Variants in MGST1 observed in about 807,000 individuals in gnomAD.
MGST1 encodes the protein glutathione S-transferase 12.
MGST1 carries 5 observed loss-of-function variants against 8.9 expected under a neutral mutation model. That is an observed-to-expected ratio of 0.56 (90% confidence interval 0.29 to 1.19). The LOEUF (loss-of-function observed/expected upper bound fraction) is 1.19, where lower values mean the gene tolerates loss of function less well. Ranked by LOEUF, MGST1 falls within the 50% of genes most tolerant of loss-of-function variation. MGST1 has a pLI of 0.08. For missense variants in MGST1, 182 were observed against 187.4 expected (o/e 0.97, Z 0.17); for synonymous variants, 54 against 67.8 (o/e 0.80, Z 1.00).
chr12:16,514,941 C>T (rs1353775670), intron 4 of MGST1, among the ~76,000 whole-genome samples: 1 of 152,158 alleles, frequency 6.6e-6, no homozygotes. Context: ...TTTACATGTG[C>T]AAGAAAGTCA....
chr12:16,503,317 C>T lies in MGST1; in HGVS notation n.483-86211C>T, dbSNP rs553514558. 3.9e-5 allele frequency among the ~76,000 whole-genome samples: 6 copies of T among 152,240 alleles called. No homozygotes were observed. The South Asian group carries it at 1.2e-3, about 32-fold the overall frequency. ...ATTTTTTTCTACTTTTTCCCTCATT[C>T]TTAGCTTGGCTTCACTCATAAATGT... On this transcript the variant is annotated intron_variant and non_coding_transcript_variant, in intron 4 of 4. Transcript: ENST00000538857. The surrounding 1 kb of genome is among the most constrained non-coding windows in gnomAD (Gnocchi z 4.8).
At chr12:16,453,794 C>T (rs1261361665) in intron 4 of MGST1, among the ~76,000 whole-genome samples, 1 of 151,400 alleles carries the variant, frequency 6.6e-6, no homozygotes. Flanking sequence ...GCATTTTCCC[C>T]ATGTGCGTGT....
intron 4 of MGST1, among the ~76,000 whole-genome samples, chr12:16,518,049 C>G (rs1174658028): frequency 6.6e-6 from 1 of 152,224 alleles, no homozygotes; most frequent in Non-Finnish European, 1.5e-5. Context: ...TACAGACAGT[C>G]TTCCCATGGT....
intron 3 of MGST1, among the ~76,000 whole-genome samples, chr12:16,359,110 G>C (rs1035490394): frequency 6.6e-6 from 1 of 152,152 alleles, no homozygotes; most frequent in Non-Finnish European, 1.5e-5. Context: ...ACTTGAGTAA[G>C]TGGAAGTGCA....
chr12:16,581,995 T>C (rs1943174395), intron 4 of MGST1, among the ~76,000 whole-genome samples: 1 of 152,094 alleles, frequency 6.6e-6, no homozygotes, highest in Non-Finnish European at 1.5e-5. Flanking sequence ...TTCGTTTTCT[T>C]ATCTTATTAC....
chr12:16,354,820 A>T (rs1939638126), intron 2 of MGST1: 1 of 152,498 alleles, frequency 6.6e-6, no homozygotes, highest in African/African-American at 2.4e-5. Context: ...AAAAAGGCTG[A>T]GAATTAAAGT....
chr12:16,487,454 T>C (rs1246418944), intron 4 of MGST1, among the ~76,000 whole-genome samples: 3 of 152,136 alleles, frequency 2.0e-5, no homozygotes, highest in Admixed American at 1.3e-4. Flanking sequence ...TATTTTGATA[T>C]CAAAACTGTA....
At chr12:16,570,216 G>A (rs961976956) in intron 4 of MGST1, among the ~76,000 whole-genome samples, 3 of 152,032 alleles carry the variant, frequency 2.0e-5, no homozygotes, top group African/African-American at 7.2e-5. Flanking sequence ...GGGTTTTCTA[G>A]GTGAAACTTT....
chr12:16,364,740 A>G (rs1940153467), downstream of MGST1, among the ~76,000 whole-genome samples: 1 of 152,010 alleles, frequency 6.6e-6, no homozygotes, highest in Non-Finnish European at 1.5e-5. This position sits in a 1 kb window ranked among gnomAD's most constrained non-coding sequence, Gnocchi z 5.7. Flanking sequence ...CCTTATTCCA[A>G]TTTTTTCATG....
At chr12:16,428,618 C>G (rs1336913607) in intron 1 of MGST1, among the ~76,000 whole-genome samples, 1 of 151,746 alleles carries the variant, frequency 6.6e-6, no homozygotes, top group African/African-American at 2.4e-5. Context: ...ATATATTTTA[C>G]TTTGCTAAAT....
intron 4 of MGST1, among the ~76,000 whole-genome samples, chr12:16,545,948 G>C (rs1181085569): frequency 1.3e-5 from 2 of 152,100 alleles, no homozygotes; most frequent in Admixed American, 1.3e-4. Flanking sequence ...ATATGGTAGA[G>C]TGAAAAGCAC....
chr12:16,376,700 A>T (rs945895258), exon 4 of MGST1: 1 of 152,188 alleles, frequency 6.6e-6, no homozygotes, highest in African/African-American at 2.4e-5. Context: ...AATGTGAACA[A>T]TGATAGAATA....
At chr12:16,525,092 A>G (rs1941674835) in intron 4 of MGST1, among the ~76,000 whole-genome samples, 1 of 151,956 alleles carries the variant, frequency 6.6e-6, no homozygotes. Context: ...GTGAAATAGA[A>G]TAAATTGGCC....
intron 2 of MGST1, among the ~76,000 whole-genome samples, chr12:16,355,095 T>C (rs541483716): frequency 5.3e-5 from 8 of 152,230 alleles, no homozygotes; most frequent in African/African-American, 1.7e-4. Flanking sequence ...TTCAGCAACT[T>C]CTTCCTGGAG....
chr12:16,560,777 G>A lies in MGST1; in HGVS notation n.483-28751G>A. On this transcript the variant is annotated intron_variant and non_coding_transcript_variant, in intron 4 of 4. Transcript: ENST00000538857. This position sits in a 1 kb window ranked among gnomAD's most constrained non-coding sequence, Gnocchi z 5.0. ...GAAAAGGAAAAGACAAATACATTAG[G>A]AAGCTTACGTAACTGCACATAAACA... 1 of 535,144 alleles carries A rather than the reference G, an allele frequency of 1.9e-6. No homozygotes were observed. Among genetic ancestry groups the A allele is most frequent in the Middle Eastern group, 3.1e-4 (1 of 3,276 alleles). 33.1% of individuals were successfully genotyped at this position (535,144 alleles called of 1,614,324 possible).
chr12:16,484,221 T>G (rs2137148448), intron 4 of MGST1, among the ~76,000 whole-genome samples: 1 of 152,322 alleles, frequency 6.6e-6, no homozygotes, highest in African/African-American at 2.4e-5. Flanking sequence ...AAGAGGCAGC[T>G]GTTTTGTTGG....
At chr12:16,469,178 C>CTTTTTTT (rs11292991) in intron 4 of MGST1, among the ~76,000 whole-genome samples, 5 of 77,516 alleles carry the variant, frequency 6.5e-5, no homozygotes, top group African/African-American at 5.2e-5. Flanking sequence ...TGCTCTATTC[C>CTTTTTTT]TTTTTTTTTT....
At chr12:16,551,206 G>A (rs1299816146) in intron 4 of MGST1, 3 of 1,441,820 alleles carry the variant, frequency 2.1e-6, no homozygotes, top group South Asian at 2.3e-5. Flanking sequence ...ATTCTTAATG[G>A]GGTGATGTTG....
Position 16,401,650 on chromosome 12 carries a change from T to C in MGST1, n.778+18046T>C. The C allele has an allele frequency of 6.2e-7, 1 of 1,600,194 alleles. No homozygotes were observed. The highest frequency in any genetic ancestry group is 1.1e-5 in the South Asian group (1 of 90,764). ...ATGTGATTCTTGTCACTCACCACAC[T>C]GAACTTGAGATTATAGTTGCCACCA... On this transcript the variant is annotated intron_variant and non_coding_transcript_variant, in intron 1 of 1. Transcript: ENST00000359720. This position sits in a 1 kb window ranked among gnomAD's most constrained non-coding sequence, Gnocchi z 4.3.
Sources: allele counts gnomAD v4.1 joint callset (sites outside exome capture counted in the v4.1 genomes callset), GRCh38; gene constraint gnomAD v4.1.1; non-coding constraint Gnocchi (gnomAD v3.1); transcripts MANE v1.5; gene names NCBI Gene and HGNC (gene_info 2026-07-23, HGNC 2026-07-21).